The following TMEM178B variants were observed in gnomAD, a reference collection of about 807,000 sequenced individuals.
TMEM178B encodes the protein transmembrane protein 178B.
Under a neutral mutation model 31.0 loss-of-function variants are expected in TMEM178B, and 5 were observed. The observed-to-expected ratio is 0.16, with a 90% CI of 0.08 to 0.34. TMEM178B has a LOEUF of 0.34. Ranked by LOEUF, TMEM178B falls within the 10% of genes least tolerant of loss-of-function variation. TMEM178B has a pLI of 1.00. For synonymous variants in TMEM178B, 164 were observed against 164.0 expected, an observed-to-expected ratio of 1.00 and a Z score of 0.00; for missense variants, 275 against 400.3, an observed-to-expected ratio of 0.69 and a Z score of 2.67.
chr7:141,437,211 T>G (rs1455490220), intron 2 of TMEM178B, among the ~76,000 whole-genome samples: 6 of 152,158 alleles, frequency 3.9e-5, no homozygotes, highest in Non-Finnish European at 8.8e-5. Flanking sequence ...GCTAGACAGG[T>G]CTGGGTTCCA....
chr7:141,504,509 ATATGAGAGAAGTG>A, the TMEM178B span, among the ~76,000 whole-genome samples: 1 of 152,342 alleles, frequency 6.6e-6, no homozygotes, highest in South Asian at 2.1e-4. Flanking sequence ...TTAGTTTCCT[ATATGAGAGAAGTG>A]TTCGTAGGTT....
chr7:141,183,035 T>C (rs1203154684), intron 1 of TMEM178B, among the ~76,000 whole-genome samples: 4 of 152,256 alleles, frequency 2.6e-5, no homozygotes, highest in Non-Finnish European at 5.9e-5. Flanking sequence ...CTGAATTTTG[T>C]CACTAATCAG....
intron 1 of TMEM178B, among the ~76,000 whole-genome samples, chr7:141,077,440 G>A (rs1028962831): frequency 4.6e-5 from 7 of 152,160 alleles, no homozygotes; most frequent in Admixed American, 1.3e-4. Flanking sequence ...TGCTATTTGT[G>A]CATTTCAACA....
At chr7:141,216,328 T>A (rs1227917442) in intron 2 of TMEM178B, among the ~76,000 whole-genome samples, 1 of 151,778 alleles carries the variant, frequency 6.6e-6, no homozygotes, top group African/African-American at 2.4e-5. Flanking sequence ...GACTAGCAGG[T>A]GAAAGGGTAG....
intron 2 of TMEM178B, among the ~76,000 whole-genome samples, chr7:141,245,006 G>A (rs577912448): frequency 7.9e-5 from 12 of 151,148 alleles, no homozygotes; most frequent in African/African-American, 1.5e-4. Flanking sequence ...GCATGGTGGC[G>A]TGTGCCTGTA....
intron 2 of TMEM178B, among the ~76,000 whole-genome samples, chr7:141,428,505 C>T (rs1445452959): frequency 3.9e-5 from 6 of 151,944 alleles, no homozygotes; most frequent in Non-Finnish European, 8.8e-5. Context: ...AAAATGGCAG[C>T]GTTTAACTGG....
intron 2 of TMEM178B, among the ~76,000 whole-genome samples, chr7:141,396,993 G>A (rs147204980): frequency 1.2e-4 from 18 of 152,296 alleles, no homozygotes; most frequent in African/African-American, 4.3e-4. Context: ...ATTGAGCTTG[G>A]TTTTTTGTCC....
At chr7:141,310,583 C>T (rs942268665) in intron 2 of TMEM178B, among the ~76,000 whole-genome samples, 11 of 152,152 alleles carry the variant, frequency 7.2e-5, no homozygotes, top group Admixed American at 4.6e-4. Context: ...CCTTGTCCCC[C>T]ACCCTTCAAC....
intron 3 of TMEM178B, among the ~76,000 whole-genome samples, chr7:141,454,387 G>A (rs1801922889): frequency 6.6e-6 from 1 of 152,120 alleles, no homozygotes; most frequent in Admixed American, 6.6e-5. Flanking sequence ...TGGTGACATT[G>A]GTGGGAGAGA....
rs372804811 is a variant in TMEM178B at position 141,119,582 on chromosome 7, C to T, written c.382+44890C>T. Among the ~76,000 whole-genome samples the T allele has an allele frequency of 7.2e-5, 11 of 152,174 alleles. 1 individual carries two copies. Among genetic ancestry groups the T allele is most frequent in the South Asian group, 6.2e-4 (3 of 4,828 alleles). On this transcript the variant is annotated intron_variant, in intron 1 of 3. Transcript: ENST00000565468. ...ATCTACACCTCAGGGTGGCACTCAG[C>T]GCATCTTTATGAACATGCTTTGATG...
chr7:141,362,711 T>C (rs895473849), intron 2 of TMEM178B, among the ~76,000 whole-genome samples: 7 of 152,214 alleles, frequency 4.6e-5, no homozygotes, highest in African/African-American at 1.4e-4. Flanking sequence ...GCTTAGGGCC[T>C]GGAATCTGGA....
At position 141,212,623 on chromosome 7, in the gene TMEM178B, C is replaced by T. The variant is rs778793267; in HGVS notation, c.415C>T (p.His139Tyr). Residue 139 changes from histidine (H) to tyrosine (Y), a missense_variant, in exon 2 of 4, where the codon CAC (histidine) becomes TAC (tyrosine). By Grantham distance (83) the His-to-Tyr change is moderately conservative. Coordinates refer to ENST00000565468, the MANE Select transcript of TMEM178B (RefSeq NM_001195278.2). ...TGAGCGATGTACGTACATCAAATAC[C>T]ACTACTCCTCAGCAACCATCCCCAG... ...EIERCTYIKY[H>Y]YSSATIPRNL... The T allele has an allele frequency of 2.0e-6, 3 of 1,536,018 alleles. No homozygotes were observed. In the South Asian group the frequency reaches 3.6e-5, roughly 18 times the overall value.
intron 3 of TMEM178B, among the ~76,000 whole-genome samples, chr7:141,457,954 T>C (rs1428668791): frequency 6.6e-6 from 1 of 152,168 alleles, no homozygotes; most frequent in African/African-American, 2.4e-5. Flanking sequence ...CAAAAATGTA[T>C]AAGAACAGAA....
At chr7:141,487,741 CAAAAAAAAAAAAAAA>C in the TMEM178B span, among the ~76,000 whole-genome samples, 5 of 30,250 alleles carry the variant, frequency 1.7e-4, no homozygotes, top group East Asian at 4.3e-3. Flanking sequence ...GACTCCGTCT[CAAAAAAAAAAAAAAA>C]AAAAAAAAAA....
Position 141,074,774 on chromosome 7 carries a change from C to T in TMEM178B, c.382+82C>T. ...CAGCCCCTCGCGTCTCCTTCCCAGG[C>T]CACAGGCTATCAGGTCTCTGGGTTC... On this transcript the variant is annotated intron_variant, in intron 1 of 3. Coordinates refer to ENST00000565468, the MANE Select transcript of TMEM178B (RefSeq NM_001195278.2). The surrounding 1 kb of genome is among the most constrained non-coding windows in gnomAD (Gnocchi z 5.1). 1 of 1,430,084 alleles carries T rather than the reference C, an allele frequency of 7.0e-7. No homozygotes were observed. Among genetic ancestry groups the T allele is most frequent in the Admixed American group, 2.9e-5 (1 of 34,970 alleles). 88.6% of individuals were successfully genotyped at this position (1,430,084 alleles called of 1,614,324 possible). A position where few individuals can be genotyped will look rare whatever the true frequency, so the allele number is the denominator to read the frequency against.
At chr7:141,350,864 C>G (rs1317322443) in intron 2 of TMEM178B, among the ~76,000 whole-genome samples, 3 of 152,156 alleles carry the variant, frequency 2.0e-5, no homozygotes, top group Non-Finnish European at 4.4e-5. Flanking sequence ...TACTTAGTAA[C>G]AAGCAGCCCT....
chr7:141,410,029 G>A (rs912490849), intron 2 of TMEM178B, among the ~76,000 whole-genome samples: 3 of 152,162 alleles, frequency 2.0e-5, no homozygotes, highest in Non-Finnish European at 2.9e-5. Context: ...GCCATGGGCC[G>A]CCTGTCTCCT....
chr7:141,088,365 G>A (rs781479464), intron 1 of TMEM178B, among the ~76,000 whole-genome samples: 2 of 151,926 alleles, frequency 1.3e-5, no homozygotes, highest in Admixed American at 6.6e-5. Flanking sequence ...TCACTCCCTG[G>A]CTTTCCAGAC....
chr7:141,262,677 A>G lies in TMEM178B; in HGVS notation c.496+49973A>G, dbSNP rs181885597. Among the ~76,000 whole-genome samples the G allele has an allele frequency of 3.3e-3, 506 of 152,288 alleles. 3 individuals are homozygous for G. Among genetic ancestry groups the G allele is most frequent in the African/African-American group, 0.012 (479 of 41,548 alleles). ...ATAATGTGAAATGGCAGCTAGAACC[A>G]GAATTTACTGTCTAAGCAACTCAGC... On this transcript the variant is annotated intron_variant, in intron 2 of 3. Transcript: ENST00000565468.
Sources: gnomAD v4.1 joint callset for allele counts (sites outside exome capture counted in the v4.1 genomes callset) on GRCh38, gnomAD v4.1.1 for gene constraint, Gnocchi (gnomAD v3.1) non-coding constraint, MANE v1.5 for transcripts, NCBI Gene and HGNC (gene_info 2026-07-23, HGNC 2026-07-21) for gene names.